The following TPCN2 variants were observed in gnomAD, a reference collection of about 807,000 sequenced individuals.
The protein encoded by TPCN2 is two pore segment channel 2.
Under a neutral mutation model 111.4 loss-of-function variants are expected in TPCN2, and 92 were observed. The observed-to-expected ratio is 0.83, with a 90% CI of 0.70 to 0.98. TPCN2 has a LOEUF of 0.98. Ranked by LOEUF, TPCN2 falls within the 50% of genes least tolerant of loss-of-function variation. TPCN2 has a pLI of 0.00. For missense variants in TPCN2, 995 were observed against 980.1 expected, an observed-to-expected ratio of 1.02 and a Z score of -0.20; for synonymous variants, 405 against 414.5, an observed-to-expected ratio of 0.98 and a Z score of 0.28.
chr11:69,078,650 C>T, intron 14 of TPCN2, 49 bp downstream of exon 14: 2 of 1,613,428 alleles, frequency 1.2e-6, no homozygotes, highest in East Asian at 2.2e-5. Context: ...CGGTTCCCGC[C>T]CACCTTGCAG....
intron 5 of TPCN2, among the ~76,000 whole-genome samples, chr11:69,060,537 C>T (rs1854974761): frequency 6.6e-6 from 1 of 152,180 alleles, no homozygotes. Context: ...CGTGGTTTTT[C>T]CTCAAGGCCT....
intron 4 of TPCN2, among the ~76,000 whole-genome samples, chr11:69,056,243 G>T (rs1435385849): frequency 6.6e-6 from 1 of 152,238 alleles, no homozygotes; most frequent in Non-Finnish European, 1.5e-5. Context: ...GGTCGCGTGG[G>T]GCCTCTGCCC....
chr11:69,060,416 G>A (rs1854969240), intron 5 of TPCN2, among the ~76,000 whole-genome samples: 1 of 152,238 alleles, frequency 6.6e-6, no homozygotes, highest in Non-Finnish European at 1.5e-5. Context: ...GGCTTGCAGG[G>A]AGGACTGGGT....
At chr11:69,049,143 G>C in intron 1 of TPCN2, 37 bp downstream of exon 1, 1 of 1,190,766 alleles carries the variant, frequency 8.4e-7, no homozygotes, top group Non-Finnish European at 1.1e-6. Context: ...ACTGGCCCGG[G>C]AGACCAGGGT....
intron 13 of TPCN2, among the ~76,000 whole-genome samples, chr11:69,078,159 C>CT (rs11450127): frequency 0.39 from 56,603 of 145,484 alleles, 11,782 homozygotes; most frequent in Non-Finnish European, 0.49. Flanking sequence ...TTTCACACAG[C>CT]TTTTTTTTTT....
rs988261056 is a variant in TPCN2 at position 69,087,055 on chromosome 11, G to C, written c.2086-57G>C. Reference sequence around the variant, plus strand: ...CTGACCCTGGAGGGGCCGGGGATGGGGCAAGGCTGCTTTCATTCGGGGCCC... The same window carrying C: ...CTGACCCTGGAGGGGCCGGGGATGGCGCAAGGCTGCTTTCATTCGGGGCCC... On this transcript the variant is annotated intron_variant, in intron 23 of 24. Coordinates refer to ENST00000294309, the MANE Select transcript of TPCN2 (RefSeq NM_139075.4). 3 of 1,507,434 alleles carry C rather than the reference G, an allele frequency of 2.0e-6. No individual in the cohort carries two copies. In the African/African-American group the frequency reaches 4.1e-5, roughly 21 times the overall value. The allele number at this position is 1,507,434 out of a possible 1,614,324, so 93.4% of individuals were successfully genotyped here. A position where few individuals can be genotyped will look rare whatever the true frequency, so the allele number is the denominator to read the frequency against.
chr11:69,071,346 C>G lies in TPCN2; in HGVS notation c.896-10C>G. On this transcript the variant is annotated splice_polypyrimidine_tract_variant and intron_variant, in intron 9 of 24. Transcript: ENST00000294309. ...GTGGCGCCCCTGACCGTGGCTGTCT[C>G]CTCTTGAAGGAAGCCTGTTTCTGAT... 6.2e-7 allele frequency: 1 copy of G among 1,613,134 alleles called. No homozygotes were observed. Among genetic ancestry groups the G allele is most frequent in the Non-Finnish European group, 8.5e-7 (1 of 1,179,540 alleles).
At chr11:69,065,498 G>A (rs560113619) in intron 7 of TPCN2, among the ~76,000 whole-genome samples, 1 of 152,190 alleles carries the variant, frequency 6.6e-6, no homozygotes, top group Non-Finnish European at 1.5e-5. Flanking sequence ...CGTGCTTGTC[G>A]TGGTCTTGGC....
intron 5 of TPCN2, among the ~76,000 whole-genome samples, chr11:69,059,893 A>C (rs1409175360): frequency 6.6e-6 from 1 of 152,074 alleles, no homozygotes; most frequent in Non-Finnish European, 1.5e-5. Flanking sequence ...TGCTATTGGC[A>C]CCAGGCATAG....
chr11:69,067,838 G>C (rs1420716127), intron 8 of TPCN2, among the ~76,000 whole-genome samples: 1 of 150,946 alleles, frequency 6.6e-6, no homozygotes, highest in African/African-American at 2.4e-5. Context: ...TTCCTTTTCT[G>C]TCTCATTCCT....
intron 2 of TPCN2, chr11:69,054,428 C>A: frequency 1.8e-6 from 1 of 558,902 alleles, no homozygotes; most frequent in East Asian, 2.9e-5. Flanking sequence ...GAAGAGAGAG[C>A]CTCGCAGGCA....
rs777769077 is a variant in TPCN2 at position 69,072,700 on chromosome 11, A to G, written c.1135A>G (p.Met379Val). The change falls in exon 12 of 25, where the codon ATG becomes GTG. Residue 379 changes from methionine to valine, a missense_variant. Met to Val is a conservative substitution (Grantham distance 21). Transcript: ENST00000294309. Reference sequence around the variant, plus strand: ...GCTGGACAGCTCCCACAAACAGGCCATGATGGAGGTACCCGCCCCCTGCTC... The same window carrying G: ...GCTGGACAGCTCCCACAAACAGGCCGTGATGGAGGTACCCGCCCCCTGCTC... ...VQLDSSHKQA[M>V]MEKVRSYGSV... The G allele has an allele frequency of 4.3e-6, 7 of 1,613,590 alleles. No individual in the cohort carries two copies. The African/African-American group carries it at 6.7e-5, about 15-fold the overall frequency.
At chr11:69,070,369 A>G in intron 8 of TPCN2, 61 bp from the exon 9 acceptor site, 1 of 1,324,668 alleles carries the variant, frequency 7.5e-7, no homozygotes. Context: ...GTGTAGCGTC[A>G]GGATGGGAGT....
intron 22 of TPCN2, 21 bp downstream of exon 22, chr11:69,085,951 CG>C: frequency 6.2e-7 from 1 of 1,608,254 alleles, no homozygotes; most frequent in Non-Finnish European, 8.5e-7. Context: ...GTCTCCCTGA[CG>C]GCAGTGATTC....
At chr11:69,063,575 A>T (rs1393343831) in intron 6 of TPCN2, among the ~76,000 whole-genome samples, 1 of 151,410 alleles carries the variant, frequency 6.6e-6, no homozygotes, top group Non-Finnish European at 1.5e-5. Context: ...CTGACCCCTC[A>T]CCATCCAGCT....
chr11:69,079,318 G>A (rs1345718789), intron 16 of TPCN2: 6 of 437,614 alleles, frequency 1.4e-5, no homozygotes, highest in African/African-American at 5.9e-5. Flanking sequence ...ACTCCAGCCC[G>A]GGGAACAGCC....
At chr11:69,080,570 C>T (rs1855962767) in intron 17 of TPCN2, among the ~76,000 whole-genome samples, 1 of 152,220 alleles carries the variant, frequency 6.6e-6, no homozygotes, top group Non-Finnish European at 1.5e-5. Context: ...GCATGCCAGC[C>T]TCGGCCCTGT....
intron 2 of TPCN2, 37 bp from the exon 3 acceptor site, chr11:69,054,684 C>T: frequency 6.3e-7 from 1 of 1,593,498 alleles, no homozygotes; most frequent in Non-Finnish European, 8.6e-7. Context: ...ACCCTGCATG[C>T]ACCCATGTCA....
chr11:69,051,819 A>T (rs2134508895), intron 1 of TPCN2, among the ~76,000 whole-genome samples: 1 of 152,202 alleles, frequency 6.6e-6, no homozygotes, highest in Admixed American at 6.5e-5. Flanking sequence ...AAAGGGTTGG[A>T]GGCTTTGGAG....
Sources: gnomAD v4.1 joint callset for allele counts (sites outside exome capture counted in the v4.1 genomes callset) on GRCh38, gnomAD v4.1.1 for gene constraint, MANE v1.5 for transcripts, NCBI Gene and HGNC (gene_info 2026-07-23, HGNC 2026-07-21) for gene names.